Variants in CCDC178 observed in about 807,000 individuals in gnomAD.
The protein encoded by CCDC178 is coiled-coil domain-containing protein 178.
Under a neutral mutation model 117.4 loss-of-function variants are expected in CCDC178, and 126 were observed. That is an observed-to-expected ratio of 1.07 (90% confidence interval 0.93 to 1.24). CCDC178 has a LOEUF of 1.24. CCDC178 is among the 50% of genes most tolerant of loss of function. The pLI is 0.00. For missense variants in CCDC178, 1,030 were observed against 986.9 expected (o/e 1.04, Z -0.59); for synonymous variants, 283 against 313.4 (o/e 0.90, Z 1.02).
At chr18:33,076,659 C>T (rs2057213065) in intron 21 of CCDC178, among the ~76,000 whole-genome samples, 1 of 152,270 alleles carries the variant, frequency 6.6e-6, no homozygotes, top group South Asian at 2.1e-4. Context: ...CAAAACTTCT[C>T]TTTGGTTACT....
At chr18:33,067,045 A>C (rs1213577847) in intron 21 of CCDC178, among the ~76,000 whole-genome samples, 2 of 152,240 alleles carry the variant, frequency 1.3e-5, no homozygotes, top group African/African-American at 4.8e-5. Context: ...ATAGCAGCAG[A>C]ATACACATTC....
At chr18:33,160,476 CTCAA>C (rs1425150605) in intron 20 of CCDC178, among the ~76,000 whole-genome samples, 1 of 152,062 alleles carries the variant, frequency 6.6e-6, no homozygotes, top group African/African-American at 2.4e-5. Flanking sequence ...TCACATGACT[CTCAA>C]TCTTGCCTTA....
intron 2 of CCDC178, among the ~76,000 whole-genome samples, chr18:33,439,759 C>T (rs1056084505): frequency 6.6e-6 from 1 of 152,176 alleles, no homozygotes; most frequent in Non-Finnish European, 1.5e-5. Flanking sequence ...CAATACACAA[C>T]AGATTATCCA....
rs1003147898 is a variant in CCDC178 at position 33,405,187 on chromosome 18, A to T, written c.58+6844T>A. 4.5e-4 allele frequency among the ~76,000 whole-genome samples: 68 copies of T among 152,004 alleles called. 1 individual carries two copies. Among genetic ancestry groups the T allele is most frequent in the Admixed American group, 4.5e-3 (68 of 15,242 alleles). ...AAATAGAACAATAGTTATTTAAATT[A>T]TGATAAAGAAGACTGAGAACTATTA... On this transcript the variant is annotated intron_variant, in intron 3 of 22. Coordinates refer to ENST00000383096, the MANE Select transcript of CCDC178 (RefSeq NM_001105528.4).
intron 21 of CCDC178, among the ~76,000 whole-genome samples, chr18:33,046,235 A>G (rs1166914531): frequency 6.6e-6 from 1 of 152,182 alleles, no homozygotes; most frequent in Admixed American, 6.5e-5. Context: ...CTAGTATCTT[A>G]TCCTTGCATC....
At chr18:33,177,968 C>A (rs1307945988) in intron 20 of CCDC178, among the ~76,000 whole-genome samples, 5 of 152,078 alleles carry the variant, frequency 3.3e-5, no homozygotes, top group Non-Finnish European at 7.3e-5. Flanking sequence ...GAGTGCTCCG[C>A]AAATTCCTCT....
At chr18:33,223,266 T>G in intron 17 of CCDC178, 47 bp from the exon 18 acceptor site, 1 of 1,523,296 alleles carries the variant, frequency 6.6e-7, no homozygotes, top group Non-Finnish European at 8.8e-7. Context: ...GCAACCCAGT[T>G]ATCCTCATTT....
chr18:33,334,597 G>T (rs1345307655), intron 9 of CCDC178, among the ~76,000 whole-genome samples: 2 of 151,882 alleles, frequency 1.3e-5, no homozygotes, highest in Admixed American at 1.3e-4. Context: ...GGAATTTGCT[G>T]ATGTCTTTAC....
At chr18:33,413,124 A>G (rs117104056) in intron 2 of CCDC178, among the ~76,000 whole-genome samples, 1 of 152,318 alleles carries the variant, frequency 6.6e-6, no homozygotes, top group Non-Finnish European at 1.5e-5. Context: ...GCAGATCTAA[A>G]TCATTATATA....
chr18:33,088,319 C>T (rs1419436187), intron 21 of CCDC178, among the ~76,000 whole-genome samples: 1 of 149,714 alleles, frequency 6.7e-6, no homozygotes, highest in Non-Finnish European at 1.5e-5. Flanking sequence ...TTGATATTCA[C>T]AAAATATGTT....
chr18:33,388,302 G>A (rs1032829652), intron 5 of CCDC178, among the ~76,000 whole-genome samples: 2 of 152,048 alleles, frequency 1.3e-5, no homozygotes, highest in Non-Finnish European at 2.9e-5. Flanking sequence ...AGACAGTGTG[G>A]CAATTCCTCA....
intron 21 of CCDC178, among the ~76,000 whole-genome samples, chr18:32,999,348 G>T (rs957813033): frequency 2.6e-5 from 4 of 152,158 alleles, no homozygotes; most frequent in Non-Finnish European, 4.4e-5. Context: ...GATTCCTAAG[G>T]TTTCCAACTT....
At chr18:33,037,751 T>C (rs1001774423) in intron 21 of CCDC178, among the ~76,000 whole-genome samples, 4 of 151,960 alleles carry the variant, frequency 2.6e-5, no homozygotes, top group African/African-American at 9.7e-5. Flanking sequence ...GTGATACTTA[T>C]AAATTTTCGA....
chr18:33,056,465 C>T (rs2056831481), intron 21 of CCDC178, among the ~76,000 whole-genome samples: 1 of 152,134 alleles, frequency 6.6e-6, no homozygotes, highest in Admixed American at 6.5e-5. Context: ...ATAAACGTGG[C>T]AGGGCCATAA....
At chr18:33,244,850 T>C (rs183723745) in intron 15 of CCDC178, among the ~76,000 whole-genome samples, 99 of 151,992 alleles carry the variant, frequency 6.5e-4, no homozygotes, top group African/African-American at 2.1e-3. Flanking sequence ...CAACAACTCA[T>C]AGGCCTACTA....
At chr18:33,439,244 G>A (rs759548964) in intron 2 of CCDC178, among the ~76,000 whole-genome samples, 5 of 152,314 alleles carry the variant, frequency 3.3e-5, no homozygotes, top group East Asian at 3.9e-4. Context: ...CAATTATCCC[G>A]TTCACTGCTA....
At chr18:33,059,239 A>G (rs2144955143) in intron 21 of CCDC178, among the ~76,000 whole-genome samples, 1 of 152,300 alleles carries the variant, frequency 6.6e-6, no homozygotes, top group African/African-American at 2.4e-5. Flanking sequence ...CAGAACATCT[A>G]TTTAGGAAGT....
At chr18:33,168,521 C>A (rs2058560621) in intron 20 of CCDC178, among the ~76,000 whole-genome samples, 1 of 152,070 alleles carries the variant, frequency 6.6e-6, no homozygotes, top group Non-Finnish European at 1.5e-5. Context: ...AAAATCAGTC[C>A]TTTGTTAATT....
At chr18:33,351,317 C>T (rs2062977306) in intron 7 of CCDC178, among the ~76,000 whole-genome samples, 1 of 151,992 alleles carries the variant, frequency 6.6e-6, no homozygotes, top group Non-Finnish European at 1.5e-5. Flanking sequence ...TTCAGCCTCC[C>T]AAGTAGCTAG....
Sources: gnomAD v4.1 joint callset for allele counts (sites outside exome capture counted in the v4.1 genomes callset) on GRCh38, gnomAD v4.1.1 for gene constraint, MANE v1.5 for transcripts, NCBI Gene and HGNC (gene_info 2026-07-23, HGNC 2026-07-21) for gene names.